KDM2A: variants seen among roughly 807,000 people sequenced by gnomAD.
KDM2A encodes the protein lysine demethylase 2A.
Under a neutral mutation model 137.3 loss-of-function variants are expected in KDM2A, and 3 were observed. The observed-to-expected ratio is 0.02, with a 90% CI of 0.01 to 0.06. The LOEUF is 0.06. Ranked by LOEUF, KDM2A falls within the 10% of genes least tolerant of loss-of-function variation. The probability of loss-of-function intolerance (pLI) is 1.00; values close to 1 mark genes in which losing one functional copy is unlikely to be tolerated. For missense variants in KDM2A, 738 were observed against 1,510.6 expected (o/e 0.49, Z 8.48); for synonymous variants, 512 against 541.5 (o/e 0.95, Z 0.76).
chr11:67,149,288 A>G (rs1232967675), intron 2 of KDM2A: 11 of 152,062 alleles, frequency 7.2e-5, no homozygotes, highest in African/African-American at 2.7e-4. Context: ...TCTCAGGTTT[A>G]TTCATTTCTA....
intron 2 of KDM2A, among the ~76,000 whole-genome samples, chr11:67,133,188 CT>C (rs1356731253): frequency 6.6e-6 from 1 of 152,106 alleles, no homozygotes; most frequent in Admixed American, 6.5e-5. Context: ...CAATCTCCGC[CT>C]TCAGGGTTCA....
chr11:67,131,329 AAAT>A (rs1485880146), intron 2 of KDM2A, among the ~76,000 whole-genome samples: 19 of 151,960 alleles, frequency 1.3e-4, no homozygotes, highest in African/African-American at 4.4e-4. Flanking sequence ...CGTCTCAAAA[AAAT>A]AATAATAATA....
At chr11:67,249,432 C>A (rs949783509) in intron 16 of KDM2A, among the ~76,000 whole-genome samples, 17 of 152,126 alleles carry the variant, frequency 1.1e-4, no homozygotes, top group African/African-American at 3.9e-4. Flanking sequence ...TGTCTCCTTG[C>A]AAAAAACCTG....
At chr11:67,191,741 G>C (rs944023071) in intron 5 of KDM2A, among the ~76,000 whole-genome samples, 1 of 152,140 alleles carries the variant, frequency 6.6e-6, no homozygotes, top group Non-Finnish European at 1.5e-5. Context: ...ATCATACTCA[G>C]TGGTGAAACA....
chr11:67,254,520 C>G lies in KDM2A; in HGVS notation c.3307+102C>G, dbSNP rs573340182. On this transcript the variant is annotated intron_variant, in intron 20 of 20. Coordinates refer to ENST00000529006, the MANE Select transcript of KDM2A (RefSeq NM_012308.3). This position sits in a 1 kb window ranked among gnomAD's most constrained non-coding sequence, Gnocchi z 4.7. ...AATGACCTTGGGTCTGTTGATTGAC[C>G]CACATCAGCTCATTTCTTCACATCT... 4 of 968,166 alleles carry G rather than the reference C, an allele frequency of 4.1e-6. No homozygotes were observed. The Admixed American group carries it at 5.4e-5, about 13-fold the overall frequency. The allele number at this position is 968,166 out of a possible 1,614,324, so 60.0% of individuals were successfully genotyped here. A position where few individuals can be genotyped will look rare whatever the true frequency, so the allele number is the denominator to read the frequency against.
chr11:67,196,501 T>C (rs1857486369), intron 5 of KDM2A: 1 of 455,886 alleles, frequency 2.2e-6, no homozygotes, highest in Non-Finnish European at 4.4e-6. Context: ...GTGAATACTT[T>C]AGCATAATGT....
intron 5 of KDM2A, among the ~76,000 whole-genome samples, chr11:67,184,749 A>G (rs1857166367): frequency 6.6e-6 from 1 of 152,224 alleles, no homozygotes; most frequent in Non-Finnish European, 1.5e-5. Context: ...CTGCATATGC[A>G]CATGGACGGT....
chr11:67,242,452 C>T (rs1040099667), intron 12 of KDM2A, among the ~76,000 whole-genome samples: 1 of 152,278 alleles, frequency 6.6e-6, no homozygotes, highest in Non-Finnish European at 1.5e-5. Context: ...CCACTTGGTT[C>T]ACATCTGAGA....
chr11:67,145,486 A>G (rs1308532972), intron 2 of KDM2A, among the ~76,000 whole-genome samples: 3 of 151,968 alleles, frequency 2.0e-5, no homozygotes, highest in Admixed American at 1.3e-4. Flanking sequence ...ACTTCATTTT[A>G]AGAAAAAAAG....
chr11:67,156,925 C>T (rs1856528227), intron 2 of KDM2A, among the ~76,000 whole-genome samples: 1 of 151,594 alleles, frequency 6.6e-6, no homozygotes, highest in Non-Finnish European at 1.5e-5. Context: ...TCAGTGCCCA[C>T]AAATAAACTC....
chr11:67,221,653 A>G (rs747529775), intron 10 of KDM2A, among the ~76,000 whole-genome samples: 3 of 152,218 alleles, frequency 2.0e-5, no homozygotes, highest in Non-Finnish European at 4.4e-5. Context: ...ATAAAAGTAC[A>G]TTTCTTTTTA....
intron 6 of KDM2A, among the ~76,000 whole-genome samples, chr11:67,209,935 C>T (rs150525864): frequency 1.3e-5 from 2 of 152,078 alleles, no homozygotes; most frequent in African/African-American, 4.8e-5. Context: ...TGGCATGCAC[C>T]TGTAGTCCTG....
At chr11:67,129,978 T>C (rs1855816725) in intron 2 of KDM2A, among the ~76,000 whole-genome samples, 1 of 151,634 alleles carries the variant, frequency 6.6e-6, no homozygotes, top group African/African-American at 2.4e-5. Context: ...TTTTTTTCTT[T>C]TGTGAGACAG....
chr11:67,164,260 T>C (rs1856694153), intron 2 of KDM2A, among the ~76,000 whole-genome samples: 1 of 152,196 alleles, frequency 6.6e-6, no homozygotes, highest in Admixed American at 6.6e-5. Flanking sequence ...TATGTAGTTT[T>C]GCTAAACATA....
At chr11:67,174,495 A>G (rs930916293) in intron 2 of KDM2A, among the ~76,000 whole-genome samples, 8 of 152,170 alleles carry the variant, frequency 5.3e-5, no homozygotes, top group African/African-American at 1.9e-4. Flanking sequence ...AAATTTCTAT[A>G]GAATGATTAA....
chr11:67,252,036 C>T (rs1859445226), intron 17 of KDM2A, among the ~76,000 whole-genome samples: 1 of 152,160 alleles, frequency 6.6e-6, no homozygotes, highest in East Asian at 1.9e-4. Flanking sequence ...TGGTTTGTGG[C>T]CTGTAGATTT....
intron 2 of KDM2A, among the ~76,000 whole-genome samples, chr11:67,174,418 A>G (rs763437799): frequency 2.0e-5 from 3 of 152,184 alleles, no homozygotes; most frequent in Non-Finnish European, 2.9e-5. Flanking sequence ...AATGTCTGAC[A>G]TAGACAGTTT....
intron 2 of KDM2A, among the ~76,000 whole-genome samples, chr11:67,133,210 C>T (rs763637953): frequency 6.6e-6 from 1 of 152,242 alleles, no homozygotes; most frequent in Non-Finnish European, 1.5e-5. Flanking sequence ...AGCACTTCTC[C>T]TGCCTCAGCC....
At chr11:67,252,578 C>T (rs1859464139) in intron 17 of KDM2A, 116 bp from the exon 18 acceptor site, 1 of 1,155,206 alleles carries the variant, frequency 8.7e-7, no homozygotes, top group Non-Finnish European at 1.3e-6. Flanking sequence ...TCCCTGTACA[C>T]TTGTAGAAGA....
Sources: gnomAD v4.1 joint callset for allele counts (sites outside exome capture counted in the v4.1 genomes callset) on GRCh38, gnomAD v4.1.1 for gene constraint, Gnocchi (gnomAD v3.1) non-coding constraint, MANE v1.5 for transcripts, NCBI Gene and HGNC (gene_info 2026-07-23, HGNC 2026-07-21) for gene names.